Variants in SLC9C1 observed in about 807,000 individuals in gnomAD.
SLC9C1 encodes sodium/hydrogen exchanger 10.
A neutral mutation model predicts 140.9 loss-of-function variants in SLC9C1; 97 were observed. The ratio of observed to expected loss-of-function variants is 0.69; its 90% CI spans 0.58 to 0.82. The LOEUF is 0.82. SLC9C1 is among the 40% of genes least tolerant of loss of function. The pLI is 0.00. For missense variants in SLC9C1, 1,340 were observed against 1,389.3 expected, an observed-to-expected ratio of 0.96 and a Z score of 0.56; for synonymous variants, 440 against 442.6, an observed-to-expected ratio of 0.99 and a Z score of 0.07.
At chr3:112,233,633 C>G (rs2078896716) in intron 12 of SLC9C1, among the ~76,000 whole-genome samples, 1 of 127,716 alleles carries the variant, frequency 7.8e-6, no homozygotes, top group Non-Finnish European at 1.6e-5. Flanking sequence ...CCTCCCCCAA[C>G]CCCCACCCCA....
chr3:112,167,400 A>G (rs1468551839), intron 25 of SLC9C1, 53 bp from the exon 26 acceptor site: 1 of 1,510,212 alleles, frequency 6.6e-7, no homozygotes, highest in East Asian at 2.4e-5. Flanking sequence ...CTACAATTAA[A>G]AATTTACCTA....
intron 10 of SLC9C1, among the ~76,000 whole-genome samples, chr3:112,246,274 C>T (rs1373690623): frequency 6.6e-6 from 1 of 152,084 alleles, no homozygotes; most frequent in East Asian, 1.9e-4. Flanking sequence ...AGTAATTAAG[C>T]TTTTGTAGAG....
chr3:112,177,309 A>T (rs1203487983), intron 23 of SLC9C1, among the ~76,000 whole-genome samples: 1 of 151,096 alleles, frequency 6.6e-6, no homozygotes, highest in Non-Finnish European at 1.5e-5. Context: ...ACCTTGCCTG[A>T]CTCCTGGTAT....
chr3:112,186,663 AAAC>A (rs1233189906), intron 20 of SLC9C1, among the ~76,000 whole-genome samples: 2 of 152,234 alleles, frequency 1.3e-5, no homozygotes, highest in African/African-American at 4.8e-5. Flanking sequence ...GTCTTGAAGA[AAAC>A]AACAACGCTG....
intron 20 of SLC9C1, among the ~76,000 whole-genome samples, chr3:112,194,920 A>G (rs2077738269): frequency 1.3e-5 from 2 of 151,762 alleles, no homozygotes; most frequent in African/African-American, 4.8e-5. Context: ...TCATGTTGTT[A>G]TTGGCCACTT....
At chr3:112,186,556 A>C (rs1191135808) in intron 20 of SLC9C1, among the ~76,000 whole-genome samples, 2 of 152,270 alleles carry the variant, frequency 1.3e-5, no homozygotes, top group Non-Finnish European at 2.9e-5. Flanking sequence ...GATTAATGGA[A>C]TCTCAATGGA....
intron 16 of SLC9C1, among the ~76,000 whole-genome samples, chr3:112,207,273 G>T (rs1371529098): frequency 6.6e-6 from 1 of 152,270 alleles, no homozygotes; most frequent in Admixed American, 6.5e-5. Flanking sequence ...ATTCTGAAGG[G>T]ATAGTAGGAT....
At chr3:112,205,522 CAA>C (rs2078023513) in intron 16 of SLC9C1, among the ~76,000 whole-genome samples, 6 of 88,134 alleles carry the variant, frequency 6.8e-5, no homozygotes, top group African/African-American at 2.4e-4. Flanking sequence ...AAGCTACCAA[CAA>C]CTTTCTTCAC....
At chr3:112,145,474 A>G (rs1285129280) in intron 28 of SLC9C1, among the ~76,000 whole-genome samples, 1 of 151,906 alleles carries the variant, frequency 6.6e-6, no homozygotes. Flanking sequence ...GCTTTGTAGA[A>G]TGAGTTAGTG....
chr3:112,237,857 T>C (rs2131234), intron 12 of SLC9C1, among the ~76,000 whole-genome samples: 44,978 of 152,078 alleles, frequency 0.3, 7,214 homozygotes, highest in East Asian at 0.43. Context: ...CCTTTGTGGG[T>C]AACCCAACTT....
At chr3:112,166,514 C>T (rs946972328) in intron 26 of SLC9C1, among the ~76,000 whole-genome samples, 17 of 152,112 alleles carry the variant, frequency 1.1e-4, no homozygotes, top group African/African-American at 3.9e-4. Context: ...AGAGAGAATC[C>T]CACATTGTGT....
At chr3:112,151,672 A>G (rs2074984536) in intron 28 of SLC9C1, among the ~76,000 whole-genome samples, 185 bp downstream of exon 28, 1 of 152,238 alleles carries the variant, frequency 6.6e-6, no homozygotes, top group Non-Finnish European at 1.5e-5. Flanking sequence ...TAGATAAAGG[A>G]GTATTATTTT....
intron 10 of SLC9C1, among the ~76,000 whole-genome samples, chr3:112,248,963 T>A (rs576135051): frequency 6.6e-6 from 1 of 152,298 alleles, no homozygotes; most frequent in East Asian, 1.9e-4. Context: ...CTGATTGCTC[T>A]GGCTAGGACT....
intron 23 of SLC9C1, among the ~76,000 whole-genome samples, chr3:112,177,238 C>T (rs1261585847): frequency 6.6e-6 from 1 of 151,892 alleles, no homozygotes; most frequent in Non-Finnish European, 1.5e-5. Context: ...AACTCCTGAC[C>T]TCAGGTGATC....
intron 10 of SLC9C1, among the ~76,000 whole-genome samples, chr3:112,254,835 CT>C (rs1157116223): frequency 6.6e-6 from 1 of 152,048 alleles, no homozygotes; most frequent in East Asian, 1.9e-4. Flanking sequence ...GGTGTGCTGT[CT>C]TCGAGAGACC....
chr3:112,267,437 G>C (rs1050890381), intron 7 of SLC9C1, among the ~76,000 whole-genome samples: 2 of 151,632 alleles, frequency 1.3e-5, no homozygotes, highest in African/African-American at 4.8e-5. Context: ...TTAGCCGGGC[G>C]TCGTGGCGGG....
intron 17 of SLC9C1, 96 bp downstream of exon 17, chr3:112,204,122 A>C: frequency 8.0e-7 from 1 of 1,253,344 alleles, no homozygotes; most frequent in African/African-American, 1.6e-5. Context: ...AACCCAACAG[A>C]ATATGTTAAC....
intron 6 of SLC9C1, among the ~76,000 whole-genome samples, chr3:112,274,379 A>C: frequency 6.6e-6 from 1 of 152,138 alleles, no homozygotes; most frequent in East Asian, 1.9e-4. Context: ...GGGCTATCTG[A>C]AAGCGGTAAA....
intron 16 of SLC9C1, among the ~76,000 whole-genome samples, chr3:112,205,226 A>G (rs1035218942): frequency 1.3e-5 from 2 of 152,012 alleles, no homozygotes; most frequent in African/African-American, 4.8e-5. Context: ...AAATCAATGT[A>G]CAAAAATCAC....
Sources: allele counts gnomAD v4.1 joint callset (sites outside exome capture counted in the v4.1 genomes callset), GRCh38; gene constraint gnomAD v4.1.1; transcripts MANE v1.5; gene names NCBI Gene and HGNC (gene_info 2026-07-23, HGNC 2026-07-21).